The following MAN2A1 variants were observed in gnomAD, a reference collection of about 807,000 sequenced individuals.
The protein encoded by MAN2A1 is alpha-mannosidase 2.
MAN2A1 carries 76 observed loss-of-function variants against 142.6 expected under a neutral mutation model. The ratio of observed to expected loss-of-function variants is 0.53; its 90% CI spans 0.44 to 0.65. The LOEUF is 0.65. MAN2A1 is among the 30% of genes least tolerant of loss of function. The pLI is 0.00. For synonymous variants in MAN2A1, 559 were observed against 473.2 expected (o/e 1.18, Z -2.35); for missense variants, 1,311 against 1,365.1 (o/e 0.96, Z 0.62).
chr5:109,735,386 T>C (rs1752059707), intron 4 of MAN2A1, among the ~76,000 whole-genome samples: 1 of 152,238 alleles, frequency 6.6e-6, no homozygotes. Context: ...AAAGTTAATA[T>C]TGTTATGTGT....
chr5:109,852,907 AGT>A (rs1367729611), intron 19 of MAN2A1, among the ~76,000 whole-genome samples: 2 of 152,200 alleles, frequency 1.3e-5, no homozygotes, highest in Non-Finnish European at 2.9e-5. Flanking sequence ...ATGATAAGAA[AGT>A]ACATGAATGG....
chr5:109,825,900 C>CTCT (rs1754744121), intron 16 of MAN2A1, among the ~76,000 whole-genome samples: 1 of 92,184 alleles, frequency 1.1e-5, no homozygotes, highest in Non-Finnish European at 2.1e-5. Flanking sequence ...TCTTTCCTTC[C>CTCT]TTTTTTTTTT....
intron 4 of MAN2A1, among the ~76,000 whole-genome samples, chr5:109,753,833 T>C (rs1752609970): frequency 6.6e-6 from 1 of 152,146 alleles, no homozygotes; most frequent in Non-Finnish European, 1.5e-5. Context: ...TACCCCATTT[T>C]CCAAACCATC....
intron 12 of MAN2A1, among the ~76,000 whole-genome samples, chr5:109,801,805 T>A (rs141267756): frequency 2.0e-5 from 3 of 152,288 alleles, no homozygotes; most frequent in African/African-American, 7.2e-5. Flanking sequence ...AAAAATTTTC[T>A]ACATATTCTA....
intron 6 of MAN2A1, among the ~76,000 whole-genome samples, chr5:109,768,615 T>C (rs576135125): frequency 2.5e-4 from 38 of 152,190 alleles, no homozygotes; most frequent in Non-Finnish European, 4.7e-4. Context: ...CTGCATTACA[T>C]TATACTTGTT....
At chr5:109,850,525 C>T (rs1755457525) in intron 19 of MAN2A1, among the ~76,000 whole-genome samples, 2 of 152,198 alleles carry the variant, frequency 1.3e-5, no homozygotes. Context: ...ATTCTTGAGA[C>T]TCATATTTTA....
intron 12 of MAN2A1, 61 bp downstream of exon 12, chr5:109,789,588 T>C (rs1753686231): frequency 8.5e-7 from 1 of 1,177,192 alleles, no homozygotes; most frequent in East Asian, 2.6e-5. Context: ...TTTGGTTTTA[T>C]GGTTCTGGTT....
intron 5 of MAN2A1, among the ~76,000 whole-genome samples, chr5:109,766,157 A>G (rs1752983028): frequency 6.6e-6 from 1 of 152,066 alleles, no homozygotes; most frequent in African/African-American, 2.4e-5. Flanking sequence ...GTTAGTACCG[A>G]TATCTCCTGT....
rs186424980 is a variant in MAN2A1 at position 109,765,370 on chromosome 5, T to C, written c.836-2165T>C. Among the ~76,000 whole-genome samples the C allele has an allele frequency of 1.2e-3, 181 of 152,304 alleles. 3 individuals carry two copies. The highest frequency in any genetic ancestry group is 4.0e-3 in the African/African-American group (166 of 41,584). On this transcript the variant is annotated intron_variant, in intron 5 of 21. Coordinates refer to ENST00000261483, the MANE Select transcript of MAN2A1 (RefSeq NM_002372.4). ...TTGATGATGGGATTCAAGTTATTTA[T>C]GTATTCTTCCTATCTACCTGTTTGT...
chr5:109,866,324 C>G (rs560245965), intron 21 of MAN2A1, among the ~76,000 whole-genome samples: 18 of 152,220 alleles, frequency 1.2e-4, no homozygotes, highest in South Asian at 8.3e-4. Flanking sequence ...CTGTCCACCT[C>G]TATAGACTGG....
Position 109,788,579 on chromosome 5 carries a change from T to C in MAN2A1, c.1761-355T>C, listed in dbSNP as rs889294551. Among the ~76,000 whole-genome samples, 7 of 151,912 alleles carry C rather than the reference T, an allele frequency of 4.6e-5. No homozygotes were observed. The South Asian group carries it at 6.2e-4, about 13-fold the overall frequency. ...TGTTAAAACCCTTGTTAGAGCTTTT[T>C]CTAAAGTAGCAAATCATTGTTTTTT... is the stretch of plus-strand genomic sequence containing the variant. On this transcript the variant is annotated intron_variant, in intron 10 of 21. Transcript: ENST00000261483.
chr5:109,770,249 ACAGAGCTAAATCAG>A, intron 6 of MAN2A1, 92 bp from the exon 7 acceptor site: 1 of 1,014,740 alleles, frequency 9.9e-7, no homozygotes, highest in Non-Finnish European at 1.5e-6. Flanking sequence ...CTGATTTAGC[ACAGAGCTAAATCAG>A]CATTACTTTG....
Position 109,755,378 on chromosome 5 carries a change from C to G in MAN2A1, c.757C>G (p.Pro253Ala), listed in dbSNP as rs934408968. 2 of 1,611,488 alleles carry G rather than the reference C, an allele frequency of 1.2e-6. No individual in the cohort carries two copies. Among genetic ancestry groups the G allele is most frequent in the Non-Finnish European group, 1.7e-6 (2 of 1,177,886 alleles). Residue 253 changes from proline (P) to alanine (A), a missense_variant, in exon 5 of 22, where the codon CCT becomes GCT. By Grantham distance (27) the Pro-to-Ala change is conservative. This residue lies in a region of MAN2A1 where 409 missense variants were observed against 412.7 expected (regional missense o/e 0.99). Coordinates refer to ENST00000261483, the MANE Select transcript of MAN2A1 (RefSeq NM_002372.4). ...LEIVTGGWVM[P>A]DEATPHYFAL... ...AATTGTGACAGGTGGCTGGGTTATG[C>G]CTGATGAAGCTACTCCACATTATTT...
chr5:109,785,526 G>A (rs1753574586), intron 10 of MAN2A1, among the ~76,000 whole-genome samples: 1 of 152,042 alleles, frequency 6.6e-6, no homozygotes, highest in Admixed American at 6.6e-5. Flanking sequence ...TCTCAGATGG[G>A]CAAGGGAGTA....
chr5:109,727,913 C>T (rs1024816972), intron 3 of MAN2A1, among the ~76,000 whole-genome samples: 1 of 152,102 alleles, frequency 6.6e-6, no homozygotes, highest in African/African-American at 2.4e-5. Context: ...ACCACCATTT[C>T]ATGAAATATC....
At chr5:109,822,115 C>T (rs1327069131) in intron 15 of MAN2A1, among the ~76,000 whole-genome samples, 6 of 146,700 alleles carry the variant, frequency 4.1e-5, no homozygotes, top group African/African-American at 1.5e-4. Flanking sequence ...AGTAAGGACT[C>T]TAGGTTTTTT....
chr5:109,862,608 C>T (rs186482222), intron 20 of MAN2A1: 1 of 152,204 alleles, frequency 6.6e-6, no homozygotes, highest in East Asian at 1.9e-4. Flanking sequence ...GTTTACTCTC[C>T]TAGAGCATAC....
chr5:109,702,349 G>GTC (rs1554071874), intron 1 of MAN2A1, among the ~76,000 whole-genome samples: 1 of 142,676 alleles, frequency 7.0e-6, no homozygotes, highest in Non-Finnish European at 1.5e-5. Context: ...GTGTGTGTGT[G>GTC]TGTCTGTGTG....
chr5:109,752,355 A>G (rs933638758), intron 4 of MAN2A1, among the ~76,000 whole-genome samples: 4 of 152,184 alleles, frequency 2.6e-5, no homozygotes, highest in Non-Finnish European at 5.9e-5. Context: ...AAATACTAAT[A>G]TTAAACTGAT....
Sources: allele counts gnomAD v4.1 joint callset (sites outside exome capture counted in the v4.1 genomes callset), GRCh38; gene constraint gnomAD v4.1.1; regional missense constraint gnomAD v4.1.1; transcripts MANE v1.5; gene names NCBI Gene and HGNC (gene_info 2026-07-23, HGNC 2026-07-21).